The following CLIC5 variants were observed in gnomAD, a reference collection of about 807,000 sequenced individuals.
The protein encoded by CLIC5 is chloride intracellular channel protein 5.
A neutral mutation model predicts 24.7 loss-of-function variants in CLIC5; 20 were observed. The ratio of observed to expected loss-of-function variants is 0.81; its 90% CI spans 0.57 to 1.18. The LOEUF is 1.18. CLIC5 is among the 50% of genes most tolerant of loss of function. CLIC5 has a pLI of 0.00. For synonymous variants in CLIC5, 159 were observed against 135.6 expected, an observed-to-expected ratio of 1.17 and a Z score of -1.20; for missense variants, 341 against 326.1, an observed-to-expected ratio of 1.05 and a Z score of -0.35.
At chr6:46,024,114 A>C (rs1305560664) in intron 1 of CLIC5, among the ~76,000 whole-genome samples, 1 of 152,206 alleles carries the variant, frequency 6.6e-6, no homozygotes, top group African/African-American at 2.4e-5. Context: ...AGAATGTAGA[A>C]TATTTTGAGG....
chr6:46,001,249 G>A (rs1340590961), intron 1 of CLIC5, among the ~76,000 whole-genome samples: 1 of 152,132 alleles, frequency 6.6e-6, no homozygotes, highest in African/African-American at 2.4e-5. Context: ...GAAGGTCCTG[G>A]GGTCTTGACT....
chr6:46,084,849 G>A (rs1051839372), upstream of CLIC5, among the ~76,000 whole-genome samples: 2 of 152,180 alleles, frequency 1.3e-5, no homozygotes, highest in African/African-American at 4.8e-5. Context: ...AGTTCTCCTG[G>A]ATAATATCCT....
upstream of CLIC5, among the ~76,000 whole-genome samples, chr6:46,081,769 G>T (rs1762923280): frequency 6.6e-6 from 1 of 152,276 alleles, no homozygotes; most frequent in South Asian, 2.1e-4. Context: ...GGAAGTGAAT[G>T]GTCCAAGTTT....
the CLIC5 span, among the ~76,000 whole-genome samples, chr6:46,123,734 G>A: frequency 3.1e-4 from 46 of 150,634 alleles, no homozygotes; most frequent in South Asian, 8.9e-3. Context: ...CTTCAGCAAA[G>A]TCTCAGGATA....
the CLIC5 span, among the ~76,000 whole-genome samples, chr6:46,094,928 A>C: frequency 2.0e-5 from 3 of 152,216 alleles, no homozygotes. Flanking sequence ...CTGCCTGCAC[A>C]TTCACACTTT....
chr6:45,883,799 T>C (rs1762281798), intron 6 of CLIC5: 1 of 152,144 alleles, frequency 6.6e-6, no homozygotes, highest in African/African-American at 2.4e-5. Flanking sequence ...CCATCAGAAC[T>C]TTGAAGCAGG....
intron 1 of CLIC5, among the ~76,000 whole-genome samples, chr6:45,968,932 T>C (rs1214224892): frequency 2.0e-5 from 3 of 152,214 alleles, no homozygotes. Flanking sequence ...CACAAAGAGT[T>C]GTGTGACCTA....
chr6:46,073,076 T>C (rs946913165), intron 1 of CLIC5, among the ~76,000 whole-genome samples: 3 of 152,158 alleles, frequency 2.0e-5, no homozygotes, highest in Non-Finnish European at 4.4e-5. Flanking sequence ...CTTTCCACAT[T>C]CTTGGCACAG....
chr6:45,981,488 G>A (rs1167303248), intron 1 of CLIC5, among the ~76,000 whole-genome samples: 2 of 152,126 alleles, frequency 1.3e-5, no homozygotes, highest in Non-Finnish European at 2.9e-5. Flanking sequence ...TTTGCAGTGG[G>A]CAAATCTGAT....
At chr6:46,066,405 G>A (rs562845188) in intron 1 of CLIC5, among the ~76,000 whole-genome samples, 12 of 152,126 alleles carry the variant, frequency 7.9e-5, no homozygotes, top group African/African-American at 2.9e-4. Context: ...ACCAGGACTT[G>A]CCATAGACCC....
the CLIC5 span, among the ~76,000 whole-genome samples, chr6:46,120,610 G>C: frequency 6.6e-6 from 1 of 152,164 alleles, no homozygotes; most frequent in Non-Finnish European, 1.5e-5. Flanking sequence ...GAGAGAAGAA[G>C]GCTTCAGATG....
chr6:45,998,805 T>C (rs1022366412), intron 1 of CLIC5, among the ~76,000 whole-genome samples: 1 of 152,210 alleles, frequency 6.6e-6, no homozygotes, highest in African/African-American at 2.4e-5. Flanking sequence ...GTTCAATTCC[T>C]TCTTGGAAGG....
the CLIC5 span, among the ~76,000 whole-genome samples, chr6:46,119,482 T>C: frequency 1.3e-5 from 2 of 152,210 alleles, no homozygotes; most frequent in African/African-American, 4.8e-5. Context: ...TAGGAACAGC[T>C]CCAGTCTACA....
rs181632317 is a variant in CLIC5, at chr6:45,962,362, G to C, written c.64-7118C>G. Among the ~76,000 whole-genome samples, 781 of 151,678 alleles carry C rather than the reference G, an allele frequency of 5.1e-3. 10 individuals carry two copies. Among genetic ancestry groups the C allele is most frequent in the South Asian group, 0.051 (246 of 4,812 alleles). On this transcript the variant is annotated intron_variant, in intron 1 of 5. Coordinates refer to ENST00000339561, the MANE Select transcript of CLIC5 (RefSeq NM_016929.5). ...CGCAGTTCGAGTCCAAAGGCAGCCT[G>C]CTGGCAGAATTCCCATTTCTTCAGA...
At chr6:46,013,662 G>C (rs1414940861) in intron 1 of CLIC5, among the ~76,000 whole-genome samples, 1 of 152,190 alleles carries the variant, frequency 6.6e-6, no homozygotes, top group Non-Finnish European at 1.5e-5. Flanking sequence ...TATAAATGGA[G>C]AGACTCTCCA....
upstream of CLIC5, among the ~76,000 whole-genome samples, chr6:46,084,034 CTTCT>C (rs1372586473): frequency 1.3e-5 from 2 of 152,118 alleles, no homozygotes; most frequent in African/African-American, 4.8e-5. Flanking sequence ...ATGTAATGGC[CTTCT>C]TTGTCTCTTT....
In CLIC5 at chr6:46,059,186, C is replaced by G. The variant is rs187016196; in HGVS notation, c.540+20517G>C. Among the ~76,000 whole-genome samples the G allele has an allele frequency of 3.3e-5, 5 of 152,282 alleles. No individual in the cohort carries two copies. The East Asian group carries it at 7.7e-4, about 24-fold the overall frequency. ...CTTGTCTGCCTCTAAATCCACTTAC[C>G]AATGCAAACACTGTTGTGGAGAATG... is the stretch of plus-strand genomic sequence containing the variant. On this transcript the variant is annotated intron_variant, in intron 1 of 5. Coordinates refer to the CLIC5 transcript ENST00000185206.
chr6:46,003,800 G>A (rs948233636), intron 1 of CLIC5, among the ~76,000 whole-genome samples: 3 of 152,202 alleles, frequency 2.0e-5, no homozygotes, highest in African/African-American at 7.2e-5. Context: ...TTGGGCTGGA[G>A]TTTGGAAAAT....
intron 6 of CLIC5, among the ~76,000 whole-genome samples, chr6:45,881,488 G>A (rs1581701285): frequency 6.6e-6 from 1 of 152,110 alleles, no homozygotes; most frequent in Non-Finnish European, 1.5e-5. Context: ...AGTGGGGAGG[G>A]CCTCAGCCTT....
Sources: allele counts gnomAD v4.1 joint callset (sites outside exome capture counted in the v4.1 genomes callset), GRCh38; gene constraint gnomAD v4.1.1; transcripts MANE v1.5; gene names NCBI Gene and HGNC (gene_info 2026-07-23, HGNC 2026-07-21).